The following SPAG17 variants were observed in gnomAD, a reference collection of about 807,000 sequenced individuals.
SPAG17 encodes the protein sperm associated antigen 17, also known as sperm-associated antigen 17.
Under a neutral mutation model 273.6 loss-of-function variants are expected in SPAG17, and 169 were observed. The observed-to-expected ratio is 0.62, with a 90% confidence interval of 0.55 to 0.70. The LOEUF (loss-of-function observed/expected upper bound fraction) is 0.70. Among genes scored for constraint, SPAG17 ranks in the 30% least tolerant of loss-of-function variants. SPAG17 has a pLI of 0.00. For synonymous variants in SPAG17, 825 were observed against 873.2 expected, an observed-to-expected ratio of 0.94 and a Z score of 0.97; for missense variants, 2,557 against 2,627.8, an observed-to-expected ratio of 0.97 and a Z score of 0.59.
intron 48 of SPAG17, chr1:117,959,300 C>T (rs150473989): frequency 1.6e-4 from 263 of 1,610,186 alleles, no homozygotes; most frequent in African/African-American, 1.6e-3. Flanking sequence ...AGGATGTTAT[C>T]GGCTTCAATA....
chr1:117,970,585 T>C (rs543658823), intron 45 of SPAG17, among the ~76,000 whole-genome samples: 1 of 152,336 alleles, frequency 6.6e-6, no homozygotes, highest in East Asian at 1.9e-4. Context: ...GCTCAGAAGA[T>C]GTCGAAGAAC....
chr1:117,957,162 G>T, intron 48 of SPAG17: 2 of 1,612,240 alleles, frequency 1.2e-6, no homozygotes, highest in African/African-American at 2.7e-5. Flanking sequence ...CTCTGATGTT[G>T]AACTTATATG....
intron 48 of SPAG17, chr1:117,963,154 T>G (rs1471064357): frequency 6.6e-6 from 1 of 152,158 alleles, no homozygotes; most frequent in Non-Finnish European, 1.5e-5. Context: ...AACTCTTACA[T>G]AGGGCCTGGC....
At chr1:118,149,213 AACCAAGAGT>A (rs1488634557) in intron 3 of SPAG17, among the ~76,000 whole-genome samples, 2 of 152,178 alleles carry the variant, frequency 1.3e-5, no homozygotes, top group African/African-American at 4.8e-5. Flanking sequence ...AAGAATATGC[AACCAAGAGT>A]CTCAGCACAT....
At position 117,973,541 on chromosome 1, in the gene SPAG17, C is replaced by G; in HGVS notation, c.6025G>C (p.Val2009Leu). 6.2e-7 allele frequency: 1 copy of G among 1,613,734 alleles called. No individual in the cohort carries two copies. Among genetic ancestry groups the G allele is most frequent in the South Asian group, 1.1e-5 (1 of 91,012 alleles). ...AGCAAGGACTGGGTTGGAATTTTCA[C>G]GGGCTCATAAGATTCTGCTTCTGTT... is the stretch of plus-strand genomic sequence containing the variant. ...SPEEAESYEP[V>L]KIPTQSLLQD... is the part of the protein sequence containing the mutation. The change falls in exon 44 of 49, where the codon GTG (valine) becomes CTG (leucine). Residue 2009 changes from valine to leucine, a missense_variant. Transcript: ENST00000336338.
intron 45 of SPAG17, among the ~76,000 whole-genome samples, chr1:117,970,467 AT>A (rs1303569040): frequency 9.2e-5 from 14 of 152,336 alleles, no homozygotes; most frequent in African/African-American, 3.4e-4. Flanking sequence ...CAGCCGGGTC[AT>A]TAAGTTGAAG....
In SPAG17 at chr1:117,960,700, G is replaced by T. The variant is rs569271808; in HGVS notation, c.*3099C>A. On this transcript the variant is annotated intron_variant, in intron 48 of 48. Coordinates refer to ENST00000336338, the MANE Select transcript of SPAG17 (RefSeq NM_206996.4). ...AGGAGGTGGCTGTGAAATTATTTCA[G>T]TAACATACTGTGTATTACAGTTCAT... is the stretch of plus-strand genomic sequence containing the variant. 12 of 152,306 alleles carry T rather than the reference G, an allele frequency of 7.9e-5. No homozygotes were observed. In the South Asian group the frequency reaches 1.9e-3, roughly 24 times the overall value. 9.4% of individuals were successfully genotyped at this position (152,306 alleles called of 1,614,324 possible).
intron 7 of SPAG17, 110 bp downstream of exon 7, chr1:118,097,560 A>G (rs113518493): frequency 1.7e-5 from 13 of 750,382 alleles, no homozygotes; most frequent in African/African-American, 1.1e-4. Context: ...GCCTAGCTCA[A>G]TGCCTTGTAA....
At chr1:118,165,282 A>C (rs1029306530) in intron 1 of SPAG17, among the ~76,000 whole-genome samples, 9 of 152,010 alleles carry the variant, frequency 5.9e-5, no homozygotes, top group Admixed American at 5.2e-4. Flanking sequence ...AGTGATGCCG[A>C]AACTTCTGGT....
intron 40 of SPAG17, 43 bp from the exon 41 acceptor site, chr1:117,984,825 AT>A: frequency 7.9e-7 from 1 of 1,270,792 alleles, no homozygotes; most frequent in Middle Eastern, 1.8e-4. Context: ...GACATAGAAT[AT>A]TTTAAAGTGT....
rs2101801819 is a variant in SPAG17 at position 118,015,977 on chromosome 1, A to G, written c.4275T>C (p.Pro1425=). Reference sequence around the variant, plus strand: ...TAGTTTGTCATACCGTTCCATTGACAGGATCTGTGGCCTGAAAGGATAACA... The same window carrying G: ...TAGTTTGTCATACCGTTCCATTGACGGGATCTGTGGCCTGAAAGGATAACA... ...TPLLSFQATD[P]VNGTVMTTRE... Residue 1425 remains proline (P), a synonymous_variant, in exon 29 of 49, where the codon CCT becomes CCC. Coordinates refer to ENST00000336338, the MANE Select transcript of SPAG17 (RefSeq NM_206996.4). 1 of 1,613,944 alleles carries G rather than the reference A, an allele frequency of 6.2e-7. No homozygotes were observed. The highest frequency in any genetic ancestry group is 8.5e-7 in the Non-Finnish European group (1 of 1,179,880).
intron 23 of SPAG17, 26 bp from the exon 24 acceptor site, chr1:118,036,909 C>T (rs1649154932): frequency 2.1e-6 from 3 of 1,454,164 alleles, no homozygotes; most frequent in Middle Eastern, 1.8e-4. Context: ...GAATCAAGAA[C>T]ATTTTCATTT....
chr1:117,996,188 A>T (rs1308270462), intron 34 of SPAG17, among the ~76,000 whole-genome samples, 182 bp downstream of exon 34: 1 of 152,118 alleles, frequency 6.6e-6, no homozygotes, highest in Non-Finnish European at 1.5e-5. Context: ...AAATTCAAGT[A>T]GCTATATAAA....
At chr1:118,147,874 C>CA (rs1406010010) in intron 3 of SPAG17, among the ~76,000 whole-genome samples, 1 of 152,162 alleles carries the variant, frequency 6.6e-6, no homozygotes, top group African/African-American at 2.4e-5. Flanking sequence ...GTATACTATA[C>CA]AGAAGTCTCA....
rs144067115 is a variant in SPAG17 at position 118,106,875 on chromosome 1, A to C, written c.448-4949T>G. Among the ~76,000 whole-genome samples, 711 of 152,278 alleles carry C rather than the reference A, an allele frequency of 4.7e-3. 7 individuals are homozygous for C. Among genetic ancestry groups the C allele is most frequent in the African/African-American group, 0.016 (684 of 41,548 alleles). On this transcript the variant is annotated intron_variant, in intron 4 of 48. Transcript: ENST00000336338. ...AGGGTGTGAGAGCCTGTGCAGCCAC[A>C]TAAGTCTCATCCCTTTGAAGCCATT...
At position 118,008,146 on chromosome 1, in the gene SPAG17, G is replaced by A; in HGVS notation, c.4485C>T (p.Ser1495=). ...TRQVKCMRVE[S]SRYATVIANC... ...TGGCGATAACAGTGGCATAGCGTGA[G>A]CTTTCTACCCGCATACACTTCACCT... The change falls in exon 31 of 49, where the codon AGC becomes AGT. Residue 1495 remains serine, a synonymous_variant. Transcript: ENST00000336338. The A allele has an allele frequency of 6.2e-7, 1 of 1,614,046 alleles. No homozygotes were observed. Among genetic ancestry groups the A allele is most frequent in the South Asian group, 1.1e-5 (1 of 91,084 alleles).
At chr1:118,110,885 T>C (rs763102768) in intron 4 of SPAG17, among the ~76,000 whole-genome samples, 2 of 152,170 alleles carry the variant, frequency 1.3e-5, no homozygotes, top group Non-Finnish European at 2.9e-5. Context: ...GCATGGTCTT[T>C]GGAGTCTGAC....
intron 24 of SPAG17, 21 bp downstream of exon 24, chr1:118,036,749 T>C (rs1403808856): frequency 6.6e-7 from 1 of 1,509,734 alleles, no homozygotes; most frequent in Non-Finnish European, 9.0e-7. Context: ...ACACTTATCC[T>C]TGCTGTTGTG....
At chr1:118,143,052 G>A (rs137910141) in intron 3 of SPAG17, among the ~76,000 whole-genome samples, 263 of 152,262 alleles carry the variant, frequency 1.7e-3, no homozygotes, top group African/African-American at 4.8e-3. Flanking sequence ...AAAAAACCCT[G>A]TTGACCCAAA....
Sources: allele counts gnomAD v4.1 joint callset (sites outside exome capture counted in the v4.1 genomes callset), GRCh38; gene constraint gnomAD v4.1.1; transcripts MANE v1.5; gene names NCBI Gene and HGNC (gene_info 2026-07-23, HGNC 2026-07-21).